The following IFT74 variants were observed in gnomAD, a reference collection of about 807,000 sequenced individuals.
IFT74 encodes intraflagellar transport 74.
IFT74 carries 92 observed loss-of-function variants against 96.7 expected under a neutral mutation model. That is an observed-to-expected ratio of 0.95 (90% CI 0.80 to 1.13). The LOEUF is 1.13. Ranked by LOEUF, IFT74 falls within the 50% of genes most tolerant of loss-of-function variation. The pLI, the probability that IFT74 is intolerant of heterozygous loss-of-function variation, is 0.00. For synonymous variants in IFT74, 223 were observed against 213.2 expected, an observed-to-expected ratio of 1.05 and a Z score of -0.40; for missense variants, 811 against 698.2, an observed-to-expected ratio of 1.16 and a Z score of -1.82.
At chr9:27,043,284 T>C (rs1413959588) in intron 13 of IFT74, among the ~76,000 whole-genome samples, 1 of 152,190 alleles carries the variant, frequency 6.6e-6, no homozygotes, top group Admixed American at 6.5e-5. Context: ...AGCATCAGGG[T>C]TGTCGTCAAT....
At chr9:27,015,720 A>T (rs1829306587) in intron 10 of IFT74, among the ~76,000 whole-genome samples, 1 of 152,042 alleles carries the variant, frequency 6.6e-6, no homozygotes, top group Non-Finnish European at 1.5e-5. Flanking sequence ...GTCACTGTTA[A>T]CTCTTATGTC....
intron 12 of IFT74, among the ~76,000 whole-genome samples, chr9:27,027,807 A>T (rs1829937633): frequency 6.6e-6 from 1 of 152,032 alleles, no homozygotes; most frequent in Non-Finnish European, 1.5e-5. Flanking sequence ...AAAAGTTTCC[A>T]ATTTTGATTT....
intron 10 of IFT74, among the ~76,000 whole-genome samples, chr9:27,014,704 A>C (rs1829262081): frequency 6.6e-6 from 1 of 152,086 alleles, no homozygotes; most frequent in South Asian, 2.1e-4. Flanking sequence ...CCGCCTTCTG[A>C]GTTCAAGCAA....
chr9:27,026,692 A>G (rs1269671562), intron 12 of IFT74, among the ~76,000 whole-genome samples: 1 of 152,208 alleles, frequency 6.6e-6, no homozygotes, highest in Admixed American at 6.5e-5. Flanking sequence ...ATGCAGATAC[A>G]TGGAAATTAA....
At chr9:27,036,532 C>T (rs758909408) in intron 13 of IFT74, 1 of 1,611,214 alleles carries the variant, frequency 6.2e-7, no homozygotes, top group Admixed American at 1.7e-5. Flanking sequence ...ATGTGCTAAG[C>T]ACTATGCTGA....
chr9:26,961,565 G>A (rs962842571), intron 1 of IFT74, among the ~76,000 whole-genome samples: 3 of 152,110 alleles, frequency 2.0e-5, no homozygotes, highest in Admixed American at 1.3e-4. Flanking sequence ...AAAATAGAAA[G>A]TATTTGTAAC....
In IFT74 at chr9:26,990,558, C is replaced by G. The variant is rs140605364; in HGVS notation, c.587+363C>G. 3.4e-3 allele frequency among the ~76,000 whole-genome samples: 524 copies of G among 152,214 alleles called. 1 individual carries two copies. The highest frequency in any genetic ancestry group is 5.6e-3 in the Non-Finnish European group (383 of 67,992). On this transcript the variant is annotated intron_variant, in intron 8 of 19. Coordinates refer to ENST00000380062, the MANE Select transcript of IFT74 (RefSeq NM_025103.4). Reference sequence around the variant, plus strand: ...CCAATCTAGTGAAAGACACATTATTCATTAGGAAGCTATTTACATTATTTC... The same window carrying G: ...CCAATCTAGTGAAAGACACATTATTGATTAGGAAGCTATTTACATTATTTC...
intron 13 of IFT74, among the ~76,000 whole-genome samples, chr9:27,044,058 C>G (rs1333933618): frequency 1.3e-5 from 2 of 152,162 alleles, no homozygotes; most frequent in East Asian, 1.9e-4. Flanking sequence ...GCTTCGTAAG[C>G]TGCCTCATCT....
chr9:26,964,304 TTCTGTTCCATTGA>T (rs1826506840), intron 2 of IFT74, among the ~76,000 whole-genome samples: 1 of 149,358 alleles, frequency 6.7e-6, no homozygotes, highest in African/African-American at 2.5e-5. Flanking sequence ...GAGGGCTCTG[TTCTGTTCCATTGA>T]TCTATATCTC....
intron 1 of IFT74, among the ~76,000 whole-genome samples, chr9:26,958,989 G>T (rs997302090): frequency 1.3e-5 from 2 of 152,254 alleles, no homozygotes; most frequent in African/African-American, 4.8e-5. Context: ...GACATTTACA[G>T]CACTGGCAAT....
In IFT74 at chr9:27,011,246, T is replaced by C. The variant is rs1485855508; in HGVS notation, c.727-660T>C. Among the ~76,000 whole-genome samples, 5 of 152,098 alleles carry C rather than the reference T, an allele frequency of 3.3e-5. No homozygotes were observed. The Middle Eastern group carries it at 0.01, about 310-fold the overall frequency. ...CAGCCTGGGCAACAGAGCGAGACTC[T>C]GTCTCAAAAAGAAAAAAGAAAGAGT... On this transcript the variant is annotated intron_variant, in intron 9 of 19. Transcript: ENST00000380062.
intron 2 of IFT74, among the ~76,000 whole-genome samples, chr9:26,967,735 T>C (rs1327201842): frequency 2.6e-5 from 4 of 152,206 alleles, no homozygotes; most frequent in Admixed American, 2.6e-4. Context: ...GGATCTGTCA[T>C]ATATAGCTTT....
intron 16 of IFT74, 132 bp from the exon 17 acceptor site, chr9:27,055,477 C>T: frequency 1.7e-6 from 1 of 592,982 alleles, no homozygotes; most frequent in Non-Finnish European, 2.8e-6. Context: ...TATTATCTCA[C>T]TGGTTACAGT....
chr9:26,979,699 CTTTCTTTTTTTTT>C (rs1198185488), intron 3 of IFT74, among the ~76,000 whole-genome samples: 7 of 110,720 alleles, frequency 6.3e-5, no homozygotes, highest in Non-Finnish European at 1.1e-4. Context: ...CCTAGGAACA[CTTTCTTTTTTTTT>C]TTTTTTTTTT....
At chr9:26,999,728 T>C in intron 8 of IFT74, 1 of 1,450,668 alleles carries the variant, frequency 6.9e-7, no homozygotes, top group Non-Finnish European at 9.4e-7. Context: ...AGTATTTTCA[T>C]TAAGGACATT....
intron 16 of IFT74, among the ~76,000 whole-genome samples, chr9:27,052,542 G>A (rs1456837853): frequency 1.4e-5 from 2 of 146,048 alleles, no homozygotes; most frequent in East Asian, 4.1e-4. Flanking sequence ...TAGTCATTAT[G>A]TGTTCTCCTG....
Position 27,047,299 on chromosome 9 carries a change from A to C in IFT74, c.1134A>C (p.Thr378=). ...CTTTTATTGAGACTTTTGAGGAAACAAAGAATCAGGAACTGAAACGAAAGG... is the reference window on the plus strand; with the variant it reads ...CTTTTATTGAGACTTTTGAGGAAACCAAGAATCAGGAACTGAAACGAAAGG... ...MDTFIETFEE[T]KNQELKRKAQ... Residue 378 remains threonine, a synonymous_variant, in exon 15 of 20, where the codon ACA becomes ACC. Transcript: ENST00000380062. 6.2e-7 allele frequency: 1 copy of C among 1,612,982 alleles called. No individual in the cohort carries two copies. The highest frequency in any genetic ancestry group is 2.2e-5 in the East Asian group (1 of 44,834).
intron 6 of IFT74, among the ~76,000 whole-genome samples, chr9:26,987,861 T>G (rs1358887520): frequency 1.3e-5 from 2 of 152,242 alleles, no homozygotes; most frequent in Admixed American, 1.3e-4. Context: ...CTGTTCCATC[T>G]GTGCAAGCCC....
At chr9:27,055,327 A>T (rs934877694) in intron 16 of IFT74, among the ~76,000 whole-genome samples, 1 of 152,180 alleles carries the variant, frequency 6.6e-6, no homozygotes, top group Non-Finnish European at 1.5e-5. Flanking sequence ...AGATTATATT[A>T]CTAAGCAAGA....
Sources: gnomAD v4.1 joint callset for allele counts (sites outside exome capture counted in the v4.1 genomes callset) on GRCh38, gnomAD v4.1.1 for gene constraint, MANE v1.5 for transcripts, NCBI Gene and HGNC (gene_info 2026-07-23, HGNC 2026-07-21) for gene names.